The following CAPSL variants were observed in gnomAD, a reference collection of about 807,000 sequenced individuals.
CAPSL encodes the protein calcyphosin-like protein.
Under a neutral mutation model 21.3 loss-of-function variants are expected in CAPSL, and 17 were observed. The observed-to-expected ratio is 0.80, with a 90% CI of 0.55 to 1.20. CAPSL has a LOEUF of 1.20. CAPSL is among the 50% of genes most tolerant of loss of function. The probability of loss-of-function intolerance (pLI) is 0.00; values close to 1 mark genes in which losing one functional copy is unlikely to be tolerated. For synonymous variants in CAPSL, 102 were observed against 89.3 expected (o/e 1.14, Z -0.80); for missense variants, 289 against 259.3 (o/e 1.11, Z -0.79).
intron 2 of CAPSL, among the ~76,000 whole-genome samples, chr5:35,913,009 T>G (rs576236248): frequency 1.7e-4 from 26 of 152,006 alleles, no homozygotes; most frequent in African/African-American, 6.0e-4. Flanking sequence ...AGAGAAGTCC[T>G]TAAAGGACCT....
intron 3 of CAPSL, 73 bp from the exon 4 acceptor site, chr5:35,910,148 A>C: frequency 7.9e-7 from 1 of 1,263,940 alleles, no homozygotes; most frequent in South Asian, 1.4e-5. Flanking sequence ...ATGTGATAAA[A>C]TATCTCATTC....
chr5:35,913,558 T>A (rs952390637), intron 2 of CAPSL, among the ~76,000 whole-genome samples: 25 of 152,120 alleles, frequency 1.6e-4, no homozygotes, highest in Non-Finnish European at 3.1e-4. Context: ...ATATTCAACA[T>A]TCTAAAAGAA....
intron 1 of CAPSL, among the ~76,000 whole-genome samples, chr5:35,926,596 A>G (rs1236090730): frequency 6.6e-6 from 1 of 152,236 alleles, no homozygotes; most frequent in Non-Finnish European, 1.5e-5. Context: ...TGGAAGAGGG[A>G]ACTGCTCTAG....
chr5:35,904,684 C>T (rs746935407), intron 4 of CAPSL, 38 bp from the exon 5 acceptor site: 1 of 1,609,236 alleles, frequency 6.2e-7, no homozygotes, highest in Non-Finnish European at 8.5e-7. Context: ...CGAAACTTTG[C>T]TTCTCACTCT....
At chr5:35,919,242 G>A (rs1376334507) in intron 2 of CAPSL, among the ~76,000 whole-genome samples, 5 of 150,476 alleles carry the variant, frequency 3.3e-5, no homozygotes, top group Non-Finnish European at 5.9e-5. Context: ...TTCCAAGAAC[G>A]TGGCAAGGGG....
intron 1 of CAPSL, among the ~76,000 whole-genome samples, chr5:35,923,550 T>C (rs1210460052): frequency 1.3e-5 from 2 of 152,182 alleles, no homozygotes; most frequent in Non-Finnish European, 2.9e-5. Flanking sequence ...AGCCATACAG[T>C]GAAACATTCT....
At chr5:35,921,311 G>A (rs1738533021) in intron 1 of CAPSL, among the ~76,000 whole-genome samples, 191 bp from the exon 2 acceptor site, 1 of 152,104 alleles carries the variant, frequency 6.6e-6, no homozygotes, top group Non-Finnish European at 1.5e-5. Flanking sequence ...TAGTCCTGAG[G>A]ACATCTGGTT....
intron 2 of CAPSL, among the ~76,000 whole-genome samples, chr5:35,915,839 C>T (rs1738370961): frequency 6.6e-6 from 1 of 152,172 alleles, no homozygotes; most frequent in Non-Finnish European, 1.5e-5. Flanking sequence ...TCCTATTCAA[C>T]ATAGTGTTGG....
chr5:35,921,085 C>T lies in CAPSL; in HGVS notation c.36G>A (p.Ala12=), dbSNP rs373881430. The change falls in exon 2 of 5, where the codon GCG becomes GCA. Residue 12 remains alanine, a synonymous_variant. Transcript: ENST00000651391. Reference sequence around the variant, plus strand: ...TGGTGAGCTTTTTCTTGGCCTGGATCGCCATCTCTCGGTCATGGCGCGCTG... The same window carrying T: ...TGGTGAGCTTTTTCTTGGCCTGGATTGCCATCTCTCGGTCATGGCGCGCTG... ...AGTARHDREM[A]IQAKKKLTTA... is the part of the protein sequence containing the mutation. The T allele has an allele frequency of 3.1e-5, 50 of 1,613,924 alleles. No homozygotes were observed. The highest frequency in any genetic ancestry group is 5.0e-5 in the Admixed American group (3 of 59,994).
intron 3 of CAPSL, 42 bp downstream of exon 3, chr5:35,910,324 A>T (rs1738181767): frequency 6.3e-7 from 1 of 1,591,004 alleles, no homozygotes; most frequent in Non-Finnish European, 8.6e-7. Context: ...AACCACGTGA[A>T]AGCCAAACTC....
chr5:35,908,071 G>T (rs1436067720), intron 4 of CAPSL, among the ~76,000 whole-genome samples: 1 of 152,184 alleles, frequency 6.6e-6, no homozygotes. Context: ...GTGTTGCCCA[G>T]ATTCATTATT....
chr5:35,910,625 CAAGGTTTCGTCA>C (rs1274449676), intron 2 of CAPSL, 82 bp from the exon 3 acceptor site: 13 of 1,062,090 alleles, frequency 1.2e-5, no homozygotes, highest in Non-Finnish European at 1.5e-5. Context: ...AATCCACACT[CAAGGTTTCGTCA>C]AATTAAAATA....
At position 35,921,052 on chromosome 5, in the gene CAPSL, G is replaced by A. The variant is rs375667323; in HGVS notation, c.69C>T (p.Thr23=). 1.1e-5 allele frequency: 18 copies of A among 1,613,906 alleles called. No homozygotes were observed. The Admixed American group carries it at 1.5e-4, about 13-fold the overall frequency. The part of the protein sequence containing the change: ...IQAKKKLTTA[T]DPIERLRLQC... ...GCAGTCGGAGTCTTTCAATGGGGTC[G>A]GTGGCCGTGGTGAGCTTTTTCTTGG... Residue 23 remains threonine, a synonymous_variant, in exon 2 of 5, where the codon ACC becomes ACT. Transcript: ENST00000651391.
rs1003383333 is a variant in CAPSL at position 35,909,941 on chromosome 5, A to G, written c.450T>C (p.Asn150=). 3.1e-6 allele frequency: 5 copies of G among 1,613,766 alleles called. No individual in the cohort carries two copies. The highest frequency in any genetic ancestry group is 2.2e-5 in the East Asian group (1 of 44,870). ...ATACTTGTTCCTCACTCCATTCCCC[A>G]TTCTGGTACTTTGGGTGGTGTTTTG... ...YNAKHHPKYQ[N]GEWSEEQVFR... is the part of the protein sequence containing the mutation. Residue 150 remains asparagine, a synonymous_variant, in exon 4 of 5, where the codon AAT becomes AAC. Transcript: ENST00000651391.
chr5:35,919,319 G>A (rs986935497), intron 2 of CAPSL, among the ~76,000 whole-genome samples: 3 of 151,874 alleles, frequency 2.0e-5, no homozygotes, highest in Admixed American at 6.6e-5. Flanking sequence ...ACTAGCAAAA[G>A]AATCTTGAGA....
intron 1 of CAPSL, among the ~76,000 whole-genome samples, chr5:35,926,272 G>A (rs1289291117): frequency 6.6e-6 from 1 of 152,096 alleles, no homozygotes; most frequent in African/African-American, 2.4e-5. Flanking sequence ...GGGAGAGGGC[G>A]GACTCGGGGC....
intron 2 of CAPSL, among the ~76,000 whole-genome samples, chr5:35,910,816 T>G (rs748898215): frequency 1.3e-5 from 2 of 152,188 alleles, no homozygotes; most frequent in Non-Finnish European, 2.9e-5. Flanking sequence ...AAGAGTTGAA[T>G]TGGTGAAACA....
At chr5:35,916,899 C>T (rs1195795095) in intron 2 of CAPSL, among the ~76,000 whole-genome samples, 1 of 152,104 alleles carries the variant, frequency 6.6e-6, no homozygotes, top group East Asian at 1.9e-4. Context: ...TCTGCACAGC[C>T]AAAGTAACTA....
At chr5:35,913,797 A>C (rs1001841134) in intron 2 of CAPSL, among the ~76,000 whole-genome samples, 37 of 152,186 alleles carry the variant, frequency 2.4e-4, no homozygotes, top group African/African-American at 8.7e-4. Context: ...GAAACGGCAT[A>C]AACTAATGAG....
Sources: gnomAD v4.1 joint callset for allele counts (sites outside exome capture counted in the v4.1 genomes callset) on GRCh38, gnomAD v4.1.1 for gene constraint, MANE v1.5 for transcripts, NCBI Gene and HGNC (gene_info 2026-07-23, HGNC 2026-07-21) for gene names.